The following NEK11 variants were observed in gnomAD, a reference collection of about 807,000 sequenced individuals.
NEK11 encodes serine/threonine-protein kinase Nek11.
In NEK11, 72 loss-of-function variants were observed where a neutral mutation model predicts 80.7. The ratio of observed to expected loss-of-function variants is 0.89; its 90% confidence interval spans 0.74 to 1.08. The LOEUF (loss-of-function observed/expected upper bound fraction) is 1.08, where lower values mean the gene tolerates loss of function less well. Among genes scored for constraint, NEK11 ranks in the 50% least tolerant of loss-of-function variants. The pLI, the probability that NEK11 is intolerant of heterozygous loss-of-function variation, is 0.00. For synonymous variants in NEK11, 251 were observed against 260.7 expected (o/e 0.96, Z 0.36); for missense variants, 764 against 763.6 (o/e 1.00, Z -0.01).
intron 5 of NEK11, among the ~76,000 whole-genome samples, chr3:131,115,926 C>CTTTCTT (rs1560474703): frequency 9.5e-6 from 1 of 105,666 alleles, no homozygotes; most frequent in Non-Finnish European, 2.0e-5. Flanking sequence ...TTCTTTCTTT[C>CTTTCTT]TTTCTTTCTT....
intron 17 of NEK11, among the ~76,000 whole-genome samples, chr3:131,339,603 G>A (rs1423205567): frequency 1.3e-5 from 2 of 152,186 alleles, no homozygotes; most frequent in Non-Finnish European, 2.9e-5. Flanking sequence ...AAGTGTGATG[G>A]TGGGGGTACA....
intron 7 of NEK11, among the ~76,000 whole-genome samples, chr3:131,136,580 T>C (rs1419123061): frequency 6.6e-6 from 1 of 152,200 alleles, no homozygotes; most frequent in Non-Finnish European, 1.5e-5. Context: ...ACTAGTTATG[T>C]TTTCATCTGT....
In NEK11 at chr3:131,132,763, CTT is replaced by C; in HGVS notation, c.475_476del (p.Leu159LysfsTer10). ...TTTGTAGGAGGATACTTCATCGAGA[CTT>C]AAAGTCAAAGAATGTATTTCTGAAA... ...MHERRILHRD[L>X]KSKNVFLKNN... On this transcript the variant is annotated frameshift_variant, in exon 6 of 18. Coordinates refer to ENST00000383366, the MANE Select transcript of NEK11 (RefSeq NM_024800.5). LOFTEE classifies it high-confidence loss of function. 6.5e-7 allele frequency: 1 copy of C among 1,530,388 alleles called. No homozygotes were observed. The highest frequency in any genetic ancestry group is 8.9e-7 in the Non-Finnish European group (1 of 1,122,272). The allele number at this position is 1,530,388 out of a possible 1,614,324, so 94.8% of individuals were successfully genotyped here.
intron 4 of NEK11, among the ~76,000 whole-genome samples, chr3:131,097,255 T>C (rs1045507029): frequency 6.6e-6 from 1 of 151,900 alleles, no homozygotes; most frequent in African/African-American, 2.4e-5. Flanking sequence ...TACCCAGTAA[T>C]GGGATGGCTG....
intron 17 of NEK11, among the ~76,000 whole-genome samples, chr3:131,285,849 T>C (rs568554483): frequency 6.6e-6 from 1 of 152,312 alleles, no homozygotes; most frequent in East Asian, 1.9e-4. Flanking sequence ...TCAGTAATGA[T>C]GGGAAGCATC....
chr3:131,298,447 C>G (rs1581592137), intron 17 of NEK11, among the ~76,000 whole-genome samples: 2 of 152,116 alleles, frequency 1.3e-5, no homozygotes, highest in East Asian at 3.8e-4. Flanking sequence ...GGAATTCACT[C>G]ATGATTTGGC....
intron 14 of NEK11, among the ~76,000 whole-genome samples, chr3:131,223,961 T>C (rs114461805): frequency 0.011 from 1,601 of 152,306 alleles, 34 homozygotes; most frequent in African/African-American, 0.036. Flanking sequence ...TATTTGCAAT[T>C]GTCTAATACA....
chr3:131,159,399 A>G (rs1008576799), intron 10 of NEK11, among the ~76,000 whole-genome samples: 23 of 152,344 alleles, frequency 1.5e-4, no homozygotes, highest in African/African-American at 5.5e-4. Context: ...TAATAAAATG[A>G]TACAGGAGCT....
At chr3:131,072,539 A>G (rs1041973976) in intron 3 of NEK11, among the ~76,000 whole-genome samples, 2 of 152,166 alleles carry the variant, frequency 1.3e-5, no homozygotes, top group African/African-American at 4.8e-5. Context: ...GACTCTGCCC[A>G]TCTGTATAAA....
intron 4 of NEK11, among the ~76,000 whole-genome samples, chr3:131,080,858 C>A (rs973628114): frequency 6.6e-6 from 1 of 152,000 alleles, no homozygotes; most frequent in Admixed American, 6.5e-5. Context: ...ACTTGTAATC[C>A]CAGCACTTTG....
chr3:131,340,002 T>G (rs946063598), intron 17 of NEK11, among the ~76,000 whole-genome samples: 1 of 152,176 alleles, frequency 6.6e-6, no homozygotes, highest in African/African-American at 2.4e-5. Context: ...TCCAGATCAT[T>G]GAAGGAAACT....
chr3:131,241,402 C>T (rs1298530762), intron 15 of NEK11, among the ~76,000 whole-genome samples: 1 of 151,876 alleles, frequency 6.6e-6, no homozygotes, highest in Non-Finnish European at 1.5e-5. Flanking sequence ...TATGATATGC[C>T]TTTAGGGAGC....
At chr3:131,037,992 C>G (rs2065907342) in intron 3 of NEK11, among the ~76,000 whole-genome samples, 1 of 151,960 alleles carries the variant, frequency 6.6e-6, no homozygotes, top group Non-Finnish European at 1.5e-5. Flanking sequence ...GTTATGAAAA[C>G]AATTTGGAAG....
chr3:131,096,949 T>C (rs1190413864), intron 4 of NEK11, among the ~76,000 whole-genome samples: 1 of 141,880 alleles, frequency 7.0e-6, no homozygotes, highest in African/African-American at 2.6e-5. Flanking sequence ...TGTGTTCTCA[T>C]TGTTCAATTC....
intron 4 of NEK11, among the ~76,000 whole-genome samples, chr3:131,109,192 T>C (rs1462590893): frequency 6.6e-6 from 1 of 152,082 alleles, no homozygotes; most frequent in African/African-American, 2.4e-5. Context: ...AAAACAGATT[T>C]TATGAAGTAA....
At chr3:131,119,428 G>C (rs2081969294) in intron 5 of NEK11, among the ~76,000 whole-genome samples, 1 of 152,196 alleles carries the variant, frequency 6.6e-6, no homozygotes, top group Non-Finnish European at 1.5e-5. Context: ...ATGTGGTGCT[G>C]AGAAGAATGT....
rs1475658770 is a variant in NEK11 at position 131,203,789 on chromosome 3, A to G, written c.1400-24739A>G. On this transcript the variant is annotated intron_variant, in intron 14 of 17. Coordinates refer to ENST00000383366, the MANE Select transcript of NEK11 (RefSeq NM_024800.5). ...TGTGTATATATATATATATATATAT[A>G]TATATATATATATATATATATATAT... Among the ~76,000 whole-genome samples the G allele has an allele frequency of 9.5e-3, 73 of 7,656 alleles. 1 individual carries two copies. Among genetic ancestry groups the G allele is most frequent in the African/African-American group, 0.024 (64 of 2,648 alleles). The allele number at this position is 7,656 out of a possible 152,430, so 5.0% of individuals were successfully genotyped here. A position where few individuals can be genotyped will look rare whatever the true frequency, so the allele number is the denominator to read the frequency against.
chr3:131,207,609 A>T (rs2094481912), intron 14 of NEK11, among the ~76,000 whole-genome samples: 1 of 151,904 alleles, frequency 6.6e-6, no homozygotes, highest in Non-Finnish European at 1.5e-5. Context: ...CTATTTCTCC[A>T]CATCCTCTCC....
intron 7 of NEK11, among the ~76,000 whole-genome samples, chr3:131,141,392 A>G (rs990058723): frequency 6.6e-6 from 1 of 152,130 alleles, no homozygotes; most frequent in African/African-American, 2.4e-5. Context: ...AATGTATTTC[A>G]GGTAAAAAGA....
Sources: gnomAD v4.1 joint callset for allele counts (sites outside exome capture counted in the v4.1 genomes callset) on GRCh38, gnomAD v4.1.1 for gene constraint, MANE v1.5 for transcripts, NCBI Gene and HGNC (gene_info 2026-07-23, HGNC 2026-07-21) for gene names.